MIB1: variants seen among roughly 807,000 people sequenced by gnomAD.
The protein encoded by MIB1 is E3 ubiquitin-protein ligase MIB1.
In MIB1, 278 loss-of-function variants were observed where a neutral mutation model predicts 124.5. The ratio of observed to expected loss-of-function variants is 2.23; its 90% CI spans 2.02 to 2.47. MIB1 has a LOEUF of 2.47. MIB1 is among the 30% of genes most tolerant of loss of function. The probability of loss-of-function intolerance (pLI) is 0.00; values close to 1 mark genes in which losing one functional copy is unlikely to be tolerated. For missense variants in MIB1, 957 were observed against 1,254.4 expected, an observed-to-expected ratio of 0.76 and a Z score of 3.58; for synonymous variants, 446 against 429.4, an observed-to-expected ratio of 1.04 and a Z score of -0.48.
At chr18:21,743,367 G>A (rs1229862602) in intron 1 of MIB1, among the ~76,000 whole-genome samples, 1 of 152,138 alleles carries the variant, frequency 6.6e-6, no homozygotes, top group East Asian at 1.9e-4. Context: ...TCCAGTGATT[G>A]GATACGGTGA....
In MIB1 at chr18:21,858,542, A is replaced by G. The variant is rs376191252; in HGVS notation, c.2780-4A>G. The G allele has an allele frequency of 5.0e-5, 68 of 1,367,702 alleles. No individual in the cohort carries two copies. Among genetic ancestry groups the G allele is most frequent in the Non-Finnish European group, 6.7e-5 (64 of 961,692 alleles). 84.7% of individuals were successfully genotyped at this position (1,367,702 alleles called of 1,614,324 possible). ...CTGAAAATCTTTTTAAATCTATATT[A>G]TAGCAAGTGGGAATATTCCAGTATT... On this transcript the variant is annotated splice_region_variant and splice_polypyrimidine_tract_variant and intron_variant, in intron 19 of 20. Transcript: ENST00000261537.
intron 1 of MIB1, among the ~76,000 whole-genome samples, chr18:21,713,275 A>C (rs1352185995): frequency 3.3e-5 from 1 of 30,106 alleles, no homozygotes; most frequent in South Asian, 9.9e-4. Context: ...ATCTGGAATA[A>C]ATTAAATTTC....
At chr18:21,834,680 C>A (rs1031384387) in intron 12 of MIB1, among the ~76,000 whole-genome samples, 1 of 152,138 alleles carries the variant, frequency 6.6e-6, no homozygotes, top group Non-Finnish European at 1.5e-5. Context: ...GAGGAATAGT[C>A]TACACAATAT....
intron 12 of MIB1, among the ~76,000 whole-genome samples, chr18:21,835,619 A>G (rs2042019770): frequency 6.6e-6 from 1 of 151,606 alleles, no homozygotes; most frequent in East Asian, 1.9e-4. Flanking sequence ...TACACATAAA[A>G]AATTAGCCGG....
intron 17 of MIB1, among the ~76,000 whole-genome samples, chr18:21,852,842 A>G (rs1315344475): frequency 6.6e-6 from 1 of 152,130 alleles, no homozygotes; most frequent in Non-Finnish European, 1.5e-5. Flanking sequence ...TTTGGGGGAA[A>G]AAAATATTGA....
intron 1 of MIB1, among the ~76,000 whole-genome samples, chr18:21,746,784 T>C (rs1257038073): frequency 6.6e-6 from 1 of 152,214 alleles, no homozygotes; most frequent in African/African-American, 2.4e-5. Context: ...CTTCTGGTCA[T>C]AGTTCATTCA....
chr18:21,749,223 A>G (rs1278506945), intron 1 of MIB1, among the ~76,000 whole-genome samples: 2 of 152,168 alleles, frequency 1.3e-5, no homozygotes, highest in Non-Finnish European at 2.9e-5. Context: ...AGAAATATAT[A>G]TGTATTTCCA....
chr18:21,863,615 G>C (rs979534138), intron 20 of MIB1, among the ~76,000 whole-genome samples: 1 of 152,094 alleles, frequency 6.6e-6, no homozygotes, highest in Non-Finnish European at 1.5e-5. Context: ...CCTGGGTCTG[G>C]AGTCTTTAAA....
intron 1 of MIB1, among the ~76,000 whole-genome samples, chr18:21,711,107 G>C (rs1051711014): frequency 1.3e-5 from 2 of 151,672 alleles, no homozygotes; most frequent in African/African-American, 4.8e-5. Flanking sequence ...GATTACAGGC[G>C]TGAGCCACTG....
Position 21,823,278 on chromosome 18 carries a change from T to C in MIB1, c.1829+3632T>C, listed in dbSNP as rs188571062. Among the ~76,000 whole-genome samples the C allele has an allele frequency of 3.7e-3, 564 of 151,280 alleles. 4 individuals are homozygous for C. The highest frequency in any genetic ancestry group is 6.9e-3 in the Middle Eastern group (2 of 290). On this transcript the variant is annotated intron_variant, in intron 12 of 20. Transcript: ENST00000261537. ...CAGCTGGGTGTGGCATCACAGACTTTTAGTCTCAGCTACTTGGGAGGCTGA... is the reference window on the plus strand; with the variant it reads ...CAGCTGGGTGTGGCATCACAGACTTCTAGTCTCAGCTACTTGGGAGGCTGA...
At chr18:21,762,604 G>A (rs2041110865) in intron 1 of MIB1, among the ~76,000 whole-genome samples, 1 of 152,094 alleles carries the variant, frequency 6.6e-6, no homozygotes, top group Non-Finnish European at 1.5e-5. Flanking sequence ...ATTAATCCTA[G>A]GAAGCAGCTG....
chr18:21,842,205 A>G (rs1198875554), intron 13 of MIB1, among the ~76,000 whole-genome samples: 1 of 152,078 alleles, frequency 6.6e-6, no homozygotes, highest in African/African-American at 2.4e-5. Context: ...ATCTTGAAGA[A>G]TATGACATAA....
Position 21,765,918 on chromosome 18 carries a change from C to T in MIB1, c.376C>T (p.Arg126Ter), listed in dbSNP as rs190657514. The change falls in exon 2 of 21, where the codon CGA becomes TGA. Residue 126 changes from arginine to a stop codon, truncating the protein, a stop_gained. Transcript: ENST00000261537. LOFTEE classifies it high-confidence loss of function. ...DKHHLRHRFY[R>*]ITTPGSERVL... ...ACATCATTTAAGACATCGCTTTTAC[C>T]GAATTACTACACCGGGAAGTGAGAG... 82 of 1,613,964 alleles carry T rather than the reference C, an allele frequency of 5.1e-5. No homozygotes were observed. Among genetic ancestry groups the T allele is most frequent in the African/African-American group, 8.0e-5 (6 of 75,016 alleles).
At chr18:21,781,530 C>T (rs1343882205) in intron 6 of MIB1, among the ~76,000 whole-genome samples, 1 of 151,218 alleles carries the variant, frequency 6.6e-6, no homozygotes, top group Non-Finnish European at 1.5e-5. Flanking sequence ...TCTCTTGCCT[C>T]AGCCTCCCAA....
chr18:21,858,750 C>T, intron 20 of MIB1, 104 bp downstream of exon 20: 1 of 633,752 alleles, frequency 1.6e-6, no homozygotes, highest in East Asian at 2.6e-5. Context: ...ATTAGTGTAT[C>T]ACTTGTATTA....
chr18:21,776,311 A>G (rs1598604987), intron 4 of MIB1, among the ~76,000 whole-genome samples: 4 of 151,660 alleles, frequency 2.6e-5, no homozygotes, highest in South Asian at 2.1e-4. Context: ...TTTGACACCT[A>G]TGTCTCTTTG....
rs529287627 is a variant in MIB1 at position 21,731,327 on chromosome 18, A to G, written n.167+26204A>G. Among the ~76,000 whole-genome samples, 311 of 152,270 alleles carry G rather than the reference A, an allele frequency of 2.0e-3. 5 individuals are homozygous for G. The highest frequency in any genetic ancestry group is 0.02 in the Middle Eastern group (6 of 294). ...TTCATCCAGGCTGTTGCATGTTTCA[A>G]TATTCATTTCTTTTTATTGCTGAGT... On this transcript the variant is annotated intron_variant and non_coding_transcript_variant, in intron 1 of 20. Coordinates refer to the MIB1 transcript ENST00000578646.
intron 7 of MIB1, among the ~76,000 whole-genome samples, chr18:21,796,098 C>G (rs1050453347): frequency 5.3e-5 from 8 of 150,260 alleles, no homozygotes; most frequent in Non-Finnish European, 1.2e-4. Flanking sequence ...ATATCTTTTG[C>G]CCACTTTTTG....
chr18:21,722,947 G>C (rs988861454), intron 1 of MIB1, among the ~76,000 whole-genome samples: 1 of 152,154 alleles, frequency 6.6e-6, no homozygotes, highest in Non-Finnish European at 1.5e-5. Context: ...TTGGAAGAGA[G>C]TCACAAGTCT....
Sources: gnomAD v4.1 joint callset for allele counts (sites outside exome capture counted in the v4.1 genomes callset) on GRCh38, gnomAD v4.1.1 for gene constraint, MANE v1.5 for transcripts, NCBI Gene and HGNC (gene_info 2026-07-23, HGNC 2026-07-21) for gene names.